The following SYT9 variants were observed in gnomAD, a reference collection of about 807,000 sequenced individuals.
SYT9 encodes the protein synaptotagmin-9.
SYT9 carries 22 observed loss-of-function variants against 48.4 expected under a neutral mutation model. The ratio of observed to expected loss-of-function variants is 0.45; its 90% CI spans 0.32 to 0.65. The LOEUF (loss-of-function observed/expected upper bound fraction) is 0.65, where lower values mean the gene tolerates loss of function less well. Among genes scored for constraint, SYT9 ranks in the 30% least tolerant of loss-of-function variants. The pLI is 0.03. For missense variants in SYT9, 577 were observed against 622.0 expected (o/e 0.93, Z 0.77); for synonymous variants, 265 against 245.0 (o/e 1.08, Z -0.76).
At chr11:7,297,083 T>TGA (rs1299128677) in intron 1 of SYT9, among the ~76,000 whole-genome samples, 4 of 74,992 alleles carry the variant, frequency 5.3e-5, no homozygotes, top group Non-Finnish European at 9.0e-5. Flanking sequence ...TGTGTGTGTG[T>TGA]GTGAGAGAGA....
chr11:7,458,275 G>T (rs1175520990), intron 6 of SYT9, among the ~76,000 whole-genome samples: 1 of 152,188 alleles, frequency 6.6e-6, no homozygotes, highest in East Asian at 1.9e-4. Context: ...GAGGTCAGGA[G>T]TTCGAGACTA....
intron 3 of SYT9, among the ~76,000 whole-genome samples, chr11:7,399,898 T>G (rs1017735224): frequency 6.6e-6 from 1 of 152,264 alleles, no homozygotes; most frequent in Non-Finnish European, 1.5e-5. Context: ...CTGATTGATT[T>G]CACAAACATT....
upstream of SYT9, among the ~76,000 whole-genome samples, chr11:7,247,655 T>C (rs113367520): frequency 3.3e-3 from 457 of 137,546 alleles, 9 homozygotes; most frequent in South Asian, 0.046. Context: ...TATATATATA[T>C]ACATATGTAT....
chr11:7,283,786 A>G (rs1488659482), intron 1 of SYT9, among the ~76,000 whole-genome samples: 1 of 152,150 alleles, frequency 6.6e-6, no homozygotes. Flanking sequence ...TTTCATGATA[A>G]TCAATGAATT....
upstream of SYT9, among the ~76,000 whole-genome samples, chr11:7,247,474 C>CAT (rs1280556908): frequency 1.4e-4 from 21 of 149,046 alleles, no homozygotes; most frequent in East Asian, 3.9e-4. Context: ...TATATATATA[C>CAT]ATATATATAT....
rs780874862 is a variant in SYT9 at position 7,313,476 on chromosome 11, T to A, written c.579T>A (p.Thr193=). 1 of 1,614,116 alleles carries A rather than the reference T, an allele frequency of 6.2e-7. No individual in the cohort carries two copies. Among genetic ancestry groups the A allele is most frequent in the Non-Finnish European group, 8.5e-7 (1 of 1,179,994 alleles). ...AGCTTCAAAAACAGGAACAGTTGAC[T>A]GGAATTGGTAGAATTAAACCAGAGT... ...IQQLQKQEQL[T]GIGRIKPELY... The change falls in exon 3 of 7, where the codon ACT becomes ACA. Residue 193 remains threonine, a synonymous_variant. Transcript: ENST00000318881.
At chr11:7,443,313 C>T (rs1306313362) in intron 6 of SYT9, among the ~76,000 whole-genome samples, 1 of 152,318 alleles carries the variant, frequency 6.6e-6, no homozygotes, top group Non-Finnish European at 1.5e-5. Flanking sequence ...AGGAAATAGA[C>T]ATAAGAAAAT....
At chr11:7,459,326 G>A (rs751731831) in intron 6 of SYT9, among the ~76,000 whole-genome samples, 5 of 152,204 alleles carry the variant, frequency 3.3e-5, no homozygotes, top group Admixed American at 6.5e-5. Flanking sequence ...AAAAATGGAT[G>A]AGATGTAAAT....
rs565857479 is a variant in SYT9, at chr11:7,462,432, A to G, written c.1468-4360A>G. ...CCTGAAAGGCAGTATAGTCACATTCATACTGCTTTATTTCTTTAACATACT... is the reference window on the plus strand; with the variant it reads ...CCTGAAAGGCAGTATAGTCACATTCGTACTGCTTTATTTCTTTAACATACT... On this transcript the variant is annotated intron_variant, in intron 6 of 6. Transcript: ENST00000318881. Among the ~76,000 whole-genome samples, 4 of 152,328 alleles carry G rather than the reference A, an allele frequency of 2.6e-5. No homozygotes were observed. In the South Asian group the frequency reaches 8.3e-4, roughly 32 times the overall value.
At chr11:7,414,914 G>A (rs535707911) in intron 3 of SYT9, among the ~76,000 whole-genome samples, 1 of 152,280 alleles carries the variant, frequency 6.6e-6, no homozygotes, top group African/African-American at 2.4e-5. Context: ...GTAGGAAACT[G>A]TATTAATTAG....
At chr11:7,432,560 A>AGATTTAATG (rs1847599057) in intron 6 of SYT9, among the ~76,000 whole-genome samples, 2 of 8,708 alleles carry the variant, frequency 2.3e-4, no homozygotes, top group Non-Finnish European at 4.0e-4. Context: ...AAAAAAAAAA[A>AGATTTAATG]AAAAAAAAAA....
chr11:7,347,694 A>C (rs1463728850), intron 3 of SYT9, among the ~76,000 whole-genome samples: 1 of 152,136 alleles, frequency 6.6e-6, no homozygotes, highest in Non-Finnish European at 1.5e-5. Flanking sequence ...CTCTTGTTTC[A>C]CAACAGCCTT....
chr11:7,247,518 T>C (rs1200603637), upstream of SYT9, among the ~76,000 whole-genome samples: 1 of 149,136 alleles, frequency 6.7e-6, no homozygotes, highest in Non-Finnish European at 1.5e-5. Flanking sequence ...TATACATATA[T>C]ACACACATAT....
chr11:7,339,648 A>AT (rs534172245), intron 3 of SYT9, among the ~76,000 whole-genome samples: 43 of 151,454 alleles, frequency 2.8e-4, no homozygotes, highest in East Asian at 3.9e-4. Context: ...CTGGTTGAAG[A>AT]TTTTTTTTTC....
In SYT9 at chr11:7,417,961, C is replaced by G; in HGVS notation, c.1170C>G (p.Pro390=). 1 of 1,613,538 alleles carries G rather than the reference C, an allele frequency of 6.2e-7. No individual in the cohort carries two copies. The highest frequency in any genetic ancestry group is 8.5e-7 in the Non-Finnish European group (1 of 1,179,674). Reference sequence around the variant, plus strand: ...TGCTTCTCATGGTCTGTCCAGATCCCTATGTGAAAGTCTCGCTGATGTGTG... The same window carrying G: ...TGCTTCTCATGGTCTGTCCAGATCCGTATGTGAAAGTCTCGCTGATGTGTG... ...KAMDITGASD[P]YVKVSLMCDG... The change falls in exon 5 of 7, where the codon CCC becomes CCG. Residue 390 remains proline, a synonymous_variant. Coordinates refer to ENST00000318881, the MANE Select transcript of SYT9 (RefSeq NM_175733.4).
intron 1 of SYT9, among the ~76,000 whole-genome samples, chr11:7,253,244 C>T (rs187645363): frequency 7.4e-4 from 112 of 152,226 alleles, no homozygotes; most frequent in Middle Eastern, 3.4e-3. Flanking sequence ...ATAGTTTTCT[C>T]GAATATTCTC....
chr11:7,338,023 T>A (rs1204217409), intron 3 of SYT9, among the ~76,000 whole-genome samples: 2 of 152,200 alleles, frequency 1.3e-5, no homozygotes, highest in Non-Finnish European at 1.5e-5. Flanking sequence ...TTATTTATTC[T>A]TGTTTCAATT....
chr11:7,320,958 C>G (rs1360055840), intron 3 of SYT9, among the ~76,000 whole-genome samples: 1 of 151,960 alleles, frequency 6.6e-6, no homozygotes, highest in Non-Finnish European at 1.5e-5. Flanking sequence ...TCAGGACGAT[C>G]CTCTTGGCAT....
At chr11:7,438,752 A>G (rs1847764861) in intron 6 of SYT9, 1 of 151,940 alleles carries the variant, frequency 6.6e-6, no homozygotes, top group Non-Finnish European at 1.5e-5. Flanking sequence ...TCCCCTCCCC[A>G]GTGCTCTGCT....
Sources: gnomAD v4.1 joint callset for allele counts (sites outside exome capture counted in the v4.1 genomes callset) on GRCh38, gnomAD v4.1.1 for gene constraint, MANE v1.5 for transcripts, NCBI Gene and HGNC (gene_info 2026-07-23, HGNC 2026-07-21) for gene names.